The following RBBP8 variants were observed in gnomAD, a reference collection of about 807,000 sequenced individuals.
RBBP8 encodes DNA endonuclease RBBP8.
In RBBP8, 88 loss-of-function variants were observed where a neutral mutation model predicts 108.3. The observed-to-expected ratio is 0.81, with a 90% CI of 0.68 to 0.97. RBBP8 has a LOEUF of 0.97. Among genes scored for constraint, RBBP8 ranks in the 50% least tolerant of loss-of-function variants. RBBP8 has a pLI of 0.00. For synonymous variants in RBBP8, 332 were observed against 348.2 expected (o/e 0.95, Z 0.52); for missense variants, 1,023 against 1,049.0 (o/e 0.98, Z 0.34).
intron 4 of RBBP8, among the ~76,000 whole-genome samples, chr18:22,950,267 T>C (rs562907461): frequency 6.6e-6 from 1 of 152,298 alleles, no homozygotes; most frequent in African/African-American, 2.4e-5. Flanking sequence ...ATTTAGGACC[T>C]ATAAACTACC....
intron 2 of RBBP8, among the ~76,000 whole-genome samples, chr18:22,940,866 A>G (rs945611077): frequency 1.3e-5 from 2 of 151,276 alleles, no homozygotes; most frequent in Non-Finnish European, 2.9e-5. Flanking sequence ...GCTAGTCTCA[A>G]CTCCTGGGCT....
Position 22,984,417 on chromosome 18 carries a change from T to TCTGTCACC in RBBP8, c.605-463_605-462insCCCTGTCA, listed in dbSNP as rs1398157689. On this transcript the variant is annotated intron_variant, in intron 7 of 18. Transcript: ENST00000327155. The stretch of plus-strand genomic sequence containing the variant: ...TTGATTATTTGAGATAGGGTCTCAC[T>TCTGTCACC]CTGTCATCCAGGGTGGAGTACTGTG... Among the ~76,000 whole-genome samples the TCTGTCACC allele has an allele frequency of 2.6e-5, 4 of 152,314 alleles. No homozygotes were observed. The South Asian group carries it at 8.3e-4, about 32-fold the overall frequency.
At chr18:22,956,305 ATT>A (rs539047708) in intron 4 of RBBP8, among the ~76,000 whole-genome samples, 107 of 151,232 alleles carry the variant, frequency 7.1e-4, no homozygotes, top group Non-Finnish European at 1.3e-3. Flanking sequence ...TATTTTGTTA[ATT>A]TTTTTTTCTT....
At chr18:22,981,826 A>C (rs1914952499) in intron 6 of RBBP8, among the ~76,000 whole-genome samples, 1 of 152,134 alleles carries the variant, frequency 6.6e-6, no homozygotes, top group Non-Finnish European at 1.5e-5. Context: ...TAAAACCTTA[A>C]TTTCTTTCCT....
At chr18:22,976,138 C>T (rs1914481021) in intron 6 of RBBP8, among the ~76,000 whole-genome samples, 1 of 152,074 alleles carries the variant, frequency 6.6e-6, no homozygotes, top group African/African-American at 2.4e-5. Flanking sequence ...TTTGTATGAA[C>T]ACATCTCACA....
intron 16 of RBBP8, among the ~76,000 whole-genome samples, chr18:23,014,782 T>A (rs184055663): frequency 6.6e-6 from 1 of 152,354 alleles, no homozygotes; most frequent in Admixed American, 6.5e-5. Context: ...ATCTTATTCA[T>A]TTAAAAATAA....
At chr18:23,013,793 A>G (rs1349789813) in intron 16 of RBBP8, among the ~76,000 whole-genome samples, 1 of 152,212 alleles carries the variant, frequency 6.6e-6, no homozygotes, top group Non-Finnish European at 1.5e-5. Flanking sequence ...CTTTGTTTTA[A>G]AGTTAAACTA....
rs140990174 is a variant in RBBP8 at position 22,925,714 on chromosome 18, T to C, written c.-153-3669T>C. Among the ~76,000 whole-genome samples the C allele has an allele frequency of 3.4e-3, 518 of 152,308 alleles. 2 individuals are homozygous for C. In the Middle Eastern group the frequency reaches 0.041, roughly 12 times the overall value. On this transcript the variant is annotated intron_variant, in intron 3 of 4. Coordinates refer to the RBBP8 transcript ENST00000577588. ...ACCTATCAAAGAATTCTTTAATTAA[T>C]AGAATCCAAATGTCACTGACTTGTT...
chr18:22,958,609 G>A (rs118072282), intron 4 of RBBP8, among the ~76,000 whole-genome samples: 56 of 152,130 alleles, frequency 3.7e-4, no homozygotes, highest in East Asian at 9.7e-4. Context: ...GCAGTGGCGC[G>A]ACCTTGGCTC....
intron 4 of RBBP8, among the ~76,000 whole-genome samples, chr18:22,960,361 G>A (rs1281596485): frequency 6.6e-6 from 1 of 152,142 alleles, no homozygotes; most frequent in Non-Finnish European, 1.5e-5. Flanking sequence ...GACCAGCCGG[G>A]GCAACGTGGC....
At chr18:22,990,826 TTAGTA>T (rs1415368784) in intron 9 of RBBP8, 106 bp from the exon 10 acceptor site, 1 of 748,624 alleles carries the variant, frequency 1.3e-6, no homozygotes, top group African/African-American at 1.8e-5. Flanking sequence ...GTCTGGCTTC[TTAGTA>T]TATTTTTGAG....
intron 4 of RBBP8, among the ~76,000 whole-genome samples, chr18:22,967,447 T>A (rs1203259482): frequency 2.6e-5 from 4 of 152,044 alleles, no homozygotes; most frequent in African/African-American, 9.7e-5. Context: ...TTAACTGTAT[T>A]TTTTTCTGAT....
chr18:22,930,356 T>G (rs1403610159), upstream of RBBP8, among the ~76,000 whole-genome samples: 1 of 152,166 alleles, frequency 6.6e-6, no homozygotes, highest in Non-Finnish European at 1.5e-5. Context: ...ATCTTTTCAT[T>G]ACAATATATA....
intron 4 of RBBP8, among the ~76,000 whole-genome samples, chr18:22,963,017 T>C (rs1188281856): frequency 1.1e-4 from 16 of 152,226 alleles, no homozygotes; most frequent in Non-Finnish European, 1.9e-4. Flanking sequence ...TGTACTGATC[T>C]TTCTCATCTT....
intron 1 of RBBP8, 171 bp downstream of exon 1, chr18:22,933,735 C>G (rs111884214): frequency 0.073 from 11,177 of 152,284 alleles, 461 homozygotes; most frequent in Middle Eastern, 0.15. Context: ...GGTGGTGGAC[C>G]GGCGGGAGGA....
At chr18:22,946,599 T>C in intron 3 of RBBP8, 113 bp downstream of exon 3, 1 of 1,460,568 alleles carries the variant, frequency 6.8e-7, no homozygotes, top group South Asian at 1.3e-5. Flanking sequence ...CTTAATGTCT[T>C]ATTTATAAAA....
intron 3 of RBBP8, among the ~76,000 whole-genome samples, chr18:22,923,794 A>T (rs1192699155): frequency 6.6e-6 from 1 of 152,148 alleles, no homozygotes; most frequent in Non-Finnish European, 1.5e-5. Flanking sequence ...AATCTACTTG[A>T]TTTTAAATTT....
At chr18:22,959,915 A>G (rs149263004) in intron 4 of RBBP8, among the ~76,000 whole-genome samples, 5,016 of 136,448 alleles carry the variant, frequency 0.037, 156 homozygotes, top group East Asian at 0.087. Context: ...GTTTTGAGAC[A>G]GAGTCTCGCT....
chr18:22,938,668 G>A (rs193019984), intron 2 of RBBP8, among the ~76,000 whole-genome samples: 119 of 152,284 alleles, frequency 7.8e-4, no homozygotes, highest in South Asian at 1.7e-3. Flanking sequence ...TTTGAATTCT[G>A]ATTTCATTTA....
Sources: gnomAD v4.1 joint callset for allele counts (sites outside exome capture counted in the v4.1 genomes callset) on GRCh38, gnomAD v4.1.1 for gene constraint, MANE v1.5 for transcripts, NCBI Gene and HGNC (gene_info 2026-07-23, HGNC 2026-07-21) for gene names.